NFIB: variants seen among roughly 807,000 people sequenced by gnomAD.
The protein encoded by NFIB is nuclear factor I B, also known as nuclear factor 1 B-type.
A neutral mutation model predicts 61.5 loss-of-function variants in NFIB; 11 were observed. That is an observed-to-expected ratio of 0.18 (90% CI 0.11 to 0.30). The LOEUF is 0.30. Among genes scored for constraint, NFIB ranks in the 10% least tolerant of loss-of-function variants. The pLI, the probability that NFIB is intolerant of heterozygous loss-of-function variation, is 1.00. For synonymous variants in NFIB, 260 were observed against 216.5 expected (o/e 1.20, Z -1.76); for missense variants, 471 against 608.9 (o/e 0.77, Z 2.38).
chr9:14,465,240 T>C, the NFIB span, among the ~76,000 whole-genome samples: 6 of 152,194 alleles, frequency 3.9e-5, no homozygotes, highest in African/African-American at 1.4e-4. Flanking sequence ...AAGCATTATC[T>C]CTGAGCCATC....
intron 3 of NFIB, among the ~76,000 whole-genome samples, chr9:14,167,571 T>C (rs1182575492): frequency 1.3e-5 from 2 of 152,040 alleles, no homozygotes; most frequent in African/African-American, 4.8e-5. Flanking sequence ...TCAAAACTCA[T>C]CTAACTGTAC....
chr9:14,260,446 A>G (rs1055053171), intron 2 of NFIB, among the ~76,000 whole-genome samples: 5 of 152,224 alleles, frequency 3.3e-5, no homozygotes, highest in Admixed American at 1.3e-4. Context: ...TATGTAGCTT[A>G]TGTGAAACTC....
the NFIB span, among the ~76,000 whole-genome samples, chr9:14,407,992 A>G: frequency 6.6e-6 from 1 of 152,200 alleles, no homozygotes; most frequent in African/African-American, 2.4e-5. Flanking sequence ...AGCCCAACAA[A>G]AAAATTTTAA....
chr9:14,185,098 T>A (rs1038936380), intron 2 of NFIB, among the ~76,000 whole-genome samples: 39 of 139,726 alleles, frequency 2.8e-4, no homozygotes, highest in African/African-American at 7.3e-4. Flanking sequence ...AAAAGTATAC[T>A]CTATGCCATG....
the NFIB span, among the ~76,000 whole-genome samples, chr9:14,520,064 A>C: frequency 6.6e-6 from 1 of 152,218 alleles, no homozygotes; most frequent in African/African-American, 2.4e-5. Flanking sequence ...ATAATGTTTA[A>C]CTTTCCTTCA....
upstream of NFIB, among the ~76,000 whole-genome samples, chr9:14,403,884 A>C (rs1431581955): frequency 6.6e-6 from 1 of 152,206 alleles, no homozygotes; most frequent in Non-Finnish European, 1.5e-5. Flanking sequence ...AGACATACTC[A>C]AGGCCACTAG....
chr9:14,204,821 C>G (rs1393334047), intron 2 of NFIB: 19 of 479,476 alleles, frequency 4.0e-5, no homozygotes, highest in Non-Finnish European at 1.9e-5. Context: ...ACTGGGACAT[C>G]TAATCCACAG....
At chr9:14,377,255 C>G (rs142112625) in intron 1 of NFIB, among the ~76,000 whole-genome samples, 96 of 152,336 alleles carry the variant, frequency 6.3e-4, no homozygotes, top group African/African-American at 2.2e-3. Flanking sequence ...GAGTCTCACT[C>G]TGTTCCCAAG....
the NFIB span, among the ~76,000 whole-genome samples, chr9:14,454,909 G>C: frequency 6.6e-6 from 1 of 152,190 alleles, no homozygotes; most frequent in African/African-American, 2.4e-5. Context: ...GCATATCCCA[G>C]ATAGGGCTGC....
intron 2 of NFIB, among the ~76,000 whole-genome samples, chr9:14,271,974 T>C (rs1236510023): frequency 1.3e-5 from 2 of 152,134 alleles, no homozygotes; most frequent in African/African-American, 4.8e-5. Flanking sequence ...AAATAAAAAC[T>C]TGTCATGAAG....
chr9:14,277,240 T>C (rs1202597216), intron 2 of NFIB, among the ~76,000 whole-genome samples: 1 of 152,126 alleles, frequency 6.6e-6, no homozygotes, highest in African/African-American at 2.4e-5. Context: ...AATCCTCAAA[T>C]CCTCCAAACA....
rs117465054 is a variant in NFIB at position 14,370,397 on chromosome 9, C to T, written c.108+28127G>A. 4.6e-3 allele frequency among the ~76,000 whole-genome samples: 694 copies of T among 151,798 alleles called. 6 individuals are homozygous for T. Among genetic ancestry groups the T allele is most frequent in the Non-Finnish European group, 7.5e-3 (507 of 67,930 alleles). On this transcript the variant is annotated intron_variant, in intron 1 of 8. Transcript: ENST00000380934. ...AGGGTAGTTAACTGTTTTTTTTAGT[C>T]AAGAAAAAATTGTACATTGGCTTTT...
chr9:14,381,752 A>G lies in NFIB; in HGVS notation c.108+16772T>C, dbSNP rs1482611515. 2.6e-5 allele frequency among the ~76,000 whole-genome samples: 4 copies of G among 152,248 alleles called. No homozygotes were observed. In the East Asian group the frequency reaches 7.7e-4, roughly 29 times the overall value. ...GGCAAGAACAGTATCTGGAGAAGCA[A>G]TGAAAGAACCCAGTGGAAATTCACG... On this transcript the variant is annotated intron_variant, in intron 1 of 8. Coordinates refer to the NFIB transcript ENST00000380934.
At chr9:14,131,821 A>C (rs1157798680) in intron 6 of NFIB, among the ~76,000 whole-genome samples, 1 of 152,092 alleles carries the variant, frequency 6.6e-6, no homozygotes, top group Non-Finnish European at 1.5e-5. Context: ...GTCACATGGC[A>C]CTCCAATCAG....
intron 6 of NFIB, among the ~76,000 whole-genome samples, chr9:14,135,106 T>A (rs557533182): frequency 6.6e-6 from 1 of 152,208 alleles, no homozygotes; most frequent in East Asian, 1.9e-4. Flanking sequence ...ACAGAAGTTA[T>A]CTTTATGTGA....
rs111773536 is a variant in NFIB at position 14,137,723 on chromosome 9, T to C, written c.925+8966A>G. On this transcript the variant is annotated intron_variant, in intron 6 of 10. Transcript: ENST00000380953. Reference sequence around the variant, plus strand: ...GAAAACATATGTATGATAATAAATATATACTTTATTTTTATATTTTGACAA... The same window carrying C: ...GAAAACATATGTATGATAATAAATACATACTTTATTTTTATATTTTGACAA... Among the ~76,000 whole-genome samples the C allele has an allele frequency of 1.5e-3, 225 of 152,274 alleles. 1 individual carries two copies. The highest frequency in any genetic ancestry group is 5.3e-3 in the African/African-American group (219 of 41,582).
At chr9:14,458,563 G>C in the NFIB span, among the ~76,000 whole-genome samples, 1 of 152,184 alleles carries the variant, frequency 6.6e-6, no homozygotes, top group Non-Finnish European at 1.5e-5. Flanking sequence ...ATTAGGAAAA[G>C]AGGAAGTCAA....
the NFIB span, among the ~76,000 whole-genome samples, chr9:14,459,591 T>A: frequency 3.3e-5 from 5 of 151,962 alleles, no homozygotes; most frequent in African/African-American, 1.2e-4. Context: ...ACCTACAGAA[T>A]GGGAGAAAAT....
At chr9:14,145,273 C>A (rs2042162404) in intron 6 of NFIB, among the ~76,000 whole-genome samples, 3 of 152,092 alleles carry the variant, frequency 2.0e-5, no homozygotes. Context: ...GCCTCCCCAC[C>A]TAACACAGGG....
Sources: gnomAD v4.1 joint callset for allele counts (sites outside exome capture counted in the v4.1 genomes callset) on GRCh38, gnomAD v4.1.1 for gene constraint, MANE v1.5 for transcripts, NCBI Gene and HGNC (gene_info 2026-07-23, HGNC 2026-07-21) for gene names.